Variants in ZSCAN30 observed in about 807,000 individuals in gnomAD.
ZSCAN30 encodes the protein zinc finger and SCAN domain-containing protein 30.
Under a neutral mutation model 44.3 loss-of-function variants are expected in ZSCAN30, and 37 were observed. The ratio of observed to expected loss-of-function variants is 0.84; its 90% CI spans 0.64 to 1.10. The LOEUF (loss-of-function observed/expected upper bound fraction) is 1.10, where lower values mean the gene tolerates loss of function less well. ZSCAN30 is among the 50% of genes least tolerant of loss of function. The pLI is 0.00. For synonymous variants in ZSCAN30, 181 were observed against 204.6 expected, an observed-to-expected ratio of 0.88 and a Z score of 0.98; for missense variants, 549 against 582.6, an observed-to-expected ratio of 0.94 and a Z score of 0.59.
intron 1 of ZSCAN30, among the ~76,000 whole-genome samples, chr18:35,270,828 G>A (rs897575550): frequency 6.6e-6 from 1 of 152,210 alleles, no homozygotes; most frequent in Non-Finnish European, 1.5e-5. Context: ...CTTAAAGATG[G>A]TGTGTCCTGA....
chr18:35,251,326 C>G lies in ZSCAN30; in HGVS notation c.*2124G>C, dbSNP rs1274048565. The G allele has an allele frequency of 6.6e-6, 1 of 152,098 alleles. No homozygotes were observed. Among genetic ancestry groups the G allele is most frequent in the African/African-American group, 2.4e-5 (1 of 41,400 alleles). 9.4% of individuals were successfully genotyped at this position (152,098 alleles called of 1,614,324 possible). ...TACAATTCACAATCAGGAGAAAAAC[C>G]TATTATATGATACTTAAAACATTAA... On this transcript the variant is annotated 3_prime_UTR_variant, in exon 4 of 4. Coordinates refer to ENST00000333206, the MANE Select transcript of ZSCAN30 (RefSeq NM_001112734.4).
chr18:35,265,095 A>G (rs1477389700), intron 1 of ZSCAN30, among the ~76,000 whole-genome samples: 4 of 151,906 alleles, frequency 2.6e-5, no homozygotes, highest in Admixed American at 6.6e-5. Flanking sequence ...GCAGTGAGCC[A>G]AGATGGCGCC....
chr18:35,272,631 C>G (rs1050417927), intron 1 of ZSCAN30, among the ~76,000 whole-genome samples: 13 of 152,216 alleles, frequency 8.5e-5, no homozygotes, highest in Non-Finnish European at 1.5e-4. Flanking sequence ...AGGCATGAGC[C>G]TCCGTGCCCG....
chr18:35,277,624 C>T (rs2044389172), intron 1 of ZSCAN30, among the ~76,000 whole-genome samples: 1 of 152,112 alleles, frequency 6.6e-6, no homozygotes, highest in African/African-American at 2.4e-5. Context: ...TGTAAGTTTC[C>T]CGAAGCCTCC....
intron 1 of ZSCAN30, among the ~76,000 whole-genome samples, chr18:35,273,994 G>C (rs1031103151): frequency 6.6e-6 from 1 of 152,152 alleles, no homozygotes; most frequent in Admixed American, 6.5e-5. Context: ...ATGAAAAGTT[G>C]ATGGGGAAAT....
rs748544023 is a variant in ZSCAN30 at position 35,253,637 on chromosome 18, C to A, written c.1298G>T (p.Arg433Ile). The A allele has an allele frequency of 8.7e-6, 14 of 1,614,164 alleles. No homozygotes were observed. The highest frequency in any genetic ancestry group is 6.7e-5 in the Admixed American group (4 of 60,012). Residue 433 changes from arginine (R) to isoleucine (I), a missense_variant, in exon 4 of 4, where the codon AGA (arginine) becomes ATA (isoleucine). Coordinates refer to ENST00000333206, the MANE Select transcript of ZSCAN30 (RefSeq NM_001112734.4). ...ATAAGGTTTCTCTCCAGTGTGAATT[C>A]TTTGATGTTCAATAAGGATAGAACT... ...GRSSILIEHQ[R>I]IHTGEKPYEC...
intron 1 of ZSCAN30, among the ~76,000 whole-genome samples, chr18:35,270,620 GC>G (rs2044250665): frequency 6.6e-6 from 1 of 151,992 alleles, no homozygotes; most frequent in Non-Finnish European, 1.5e-5. Context: ...TCACTCTCTT[GC>G]CTAGACTGGA....
intron 1 of ZSCAN30, among the ~76,000 whole-genome samples, chr18:35,264,885 G>C (rs1306070282): frequency 6.6e-6 from 1 of 152,074 alleles, no homozygotes. Flanking sequence ...GGTGGCTCAC[G>C]CCTGTAATCC....
At chr18:35,262,319 T>C (rs1430395614) in intron 3 of ZSCAN30, 1 of 152,190 alleles carries the variant, frequency 6.6e-6, no homozygotes, top group Non-Finnish European at 1.5e-5. Flanking sequence ...GAGAACAAGC[T>C]GGTATACCTG....
At chr18:35,264,566 C>CT in intron 1 of ZSCAN30, 111 bp from the exon 2 acceptor site, 1 of 527,794 alleles carries the variant, frequency 1.9e-6, no homozygotes. Flanking sequence ...AGAAAACTGA[C>CT]TAACAGGGCA....
intron 1 of ZSCAN30, chr18:35,285,057 G>C (rs1297088035): frequency 6.5e-6 from 1 of 154,780 alleles, no homozygotes; most frequent in East Asian, 1.9e-4. Flanking sequence ...GAAGCTCACA[G>C]CATGGGCAGA....
chr18:35,272,167 GT>G (rs2044294160), intron 1 of ZSCAN30, among the ~76,000 whole-genome samples: 1 of 152,160 alleles, frequency 6.6e-6, no homozygotes, highest in African/African-American at 2.4e-5. Flanking sequence ...CTGCTAGCCC[GT>G]TGTCACCTCT....
intron 1 of ZSCAN30, chr18:35,270,348 C>T (rs1658648143): frequency 6.6e-6 from 1 of 152,156 alleles, no homozygotes; most frequent in African/African-American, 2.4e-5. Context: ...ACCTTGTCTG[C>T]CTTTCTTTGC....
At chr18:35,277,523 T>C (rs2044387484) in intron 1 of ZSCAN30, among the ~76,000 whole-genome samples, 1 of 152,212 alleles carries the variant, frequency 6.6e-6, no homozygotes, top group South Asian at 2.1e-4. Flanking sequence ...TGAGATTTGA[T>C]GGTTTTATAA....
At chr18:35,263,360 A>T in intron 3 of ZSCAN30, 153 bp downstream of exon 3, 1 of 911,912 alleles carries the variant, frequency 1.1e-6, no homozygotes, top group Non-Finnish European at 1.6e-6. Context: ...TTCAGATTCT[A>T]GGCAGAGCCT....
rs769335910 is a variant in ZSCAN30, at chr18:35,263,532, G to C, written c.534C>G (p.Ser178=). The C allele has an allele frequency of 1.2e-6, 2 of 1,614,146 alleles. No individual in the cohort carries two copies. Among genetic ancestry groups the C allele is most frequent in the South Asian group, 2.2e-5 (2 of 91,082 alleles). The change falls in exon 3 of 4, where the codon TCC becomes TCG. Residue 178 remains serine (S), a synonymous_variant. Transcript: ENST00000333206. ...ENQCKTETQE[S]QAFQERDGRM... The stretch of plus-strand genomic sequence containing the variant: ...TCTCACCTCTCTCCTGGAAAGCCTG[G>C]GACTCCTGAGTCTCAGTCTTGCACT...
Position 35,263,416 on chromosome 18 carries a change from T to G in ZSCAN30, c.553+97A>C, listed in dbSNP as rs2143700018. On this transcript the variant is annotated intron_variant, in intron 3 of 3. Transcript: ENST00000333206. ...AAAGAAGCCTTTCCACAATACTTAG[T>G]GATAGCCACAAGTGGCTGTCGTTAA... The G allele has an allele frequency of 8.2e-6, 12 of 1,468,170 alleles. No individual in the cohort carries two copies. The South Asian group carries it at 1.1e-4, about 13-fold the overall frequency. 90.9% of individuals were successfully genotyped at this position (1,468,170 alleles called of 1,614,324 possible). A position where few individuals can be genotyped will look rare whatever the true frequency, so the allele number is the denominator to read the frequency against.
chr18:35,286,958 A>G (rs924126494), intron 1 of ZSCAN30, among the ~76,000 whole-genome samples: 2 of 152,194 alleles, frequency 1.3e-5, no homozygotes, highest in African/African-American at 4.8e-5. Flanking sequence ...TAATAAATGA[A>G]TTTAACAAAG....
chr18:35,263,684 T>C, intron 2 of ZSCAN30, 27 bp from the exon 3 acceptor site: 2 of 1,612,798 alleles, frequency 1.2e-6, no homozygotes, highest in African/African-American at 1.3e-5. Flanking sequence ...ACCAGCACTA[T>C]CATTCTGAGG....
Sources: allele counts gnomAD v4.1 joint callset (sites outside exome capture counted in the v4.1 genomes callset), GRCh38; gene constraint gnomAD v4.1.1; transcripts MANE v1.5; gene names NCBI Gene and HGNC (gene_info 2026-07-23, HGNC 2026-07-21).